The following TXNRD1 variants were observed in gnomAD, a reference collection of about 807,000 sequenced individuals.
The protein encoded by TXNRD1 is thioredoxin reductase 1, cytoplasmic.
In TXNRD1, 57 loss-of-function variants were observed where a neutral mutation model predicts 80.3. That is an observed-to-expected ratio of 0.71 (90% CI 0.57 to 0.89). TXNRD1 has a LOEUF of 0.89. TXNRD1 is among the 40% of genes least tolerant of loss of function. TXNRD1 has a pLI of 0.00. For synonymous variants in TXNRD1, 291 were observed against 285.2 expected (o/e 1.02, Z -0.20); for missense variants, 730 against 803.0 (o/e 0.91, Z 1.10).
chr12:104,233,066 G>A (rs1052542820), intron 1 of TXNRD1, among the ~76,000 whole-genome samples: 6 of 152,224 alleles, frequency 3.9e-5, no homozygotes. Context: ...AAATAAGGAA[G>A]AGATGTATGC....
intron 1 of TXNRD1, among the ~76,000 whole-genome samples, chr12:104,223,782 GT>G (rs1162265202): frequency 6.6e-6 from 1 of 152,212 alleles, no homozygotes; most frequent in African/African-American, 2.4e-5. Flanking sequence ...GTGGGGACTG[GT>G]GAGGAGGGAG....
chr12:104,312,969 A>G (rs1451009497), intron 5 of TXNRD1, among the ~76,000 whole-genome samples: 1 of 151,958 alleles, frequency 6.6e-6, no homozygotes, highest in Admixed American at 6.6e-5. Context: ...GTTTGAGTGG[A>G]ATTATGTGAG....
chr12:104,341,500 A>T (rs1181235131), intron 16 of TXNRD1, among the ~76,000 whole-genome samples: 2 of 152,204 alleles, frequency 1.3e-5, no homozygotes, highest in Admixed American at 1.3e-4. Flanking sequence ...GGGTAGATAT[A>T]AAGTGCTGGA....
At chr12:104,270,091 G>A (rs972798980) in intron 3 of TXNRD1, among the ~76,000 whole-genome samples, 19 of 152,114 alleles carry the variant, frequency 1.2e-4, no homozygotes, top group African/African-American at 4.6e-4. Context: ...ATTCATCAAA[G>A]TTACTCATAA....
intron 10 of TXNRD1, among the ~76,000 whole-genome samples, chr12:104,324,566 GGTCTCGATCTCCT>G (rs1415182086): frequency 6.6e-6 from 1 of 151,606 alleles, no homozygotes; most frequent in African/African-American, 2.4e-5. Context: ...TGGTCAGGCT[GGTCTCGATCTCCT>G]GACCTCATGA....
intron 4 of TXNRD1, chr12:104,304,884 T>C (rs1400370049): frequency 9.3e-6 from 15 of 1,611,600 alleles, no homozygotes; most frequent in East Asian, 2.2e-5. Context: ...TGGAAAAACA[T>C]TGTGGCAGCT....
intron 3 of TXNRD1, among the ~76,000 whole-genome samples, chr12:104,261,396 C>G (rs2033366097): frequency 6.6e-6 from 1 of 152,188 alleles, no homozygotes; most frequent in Non-Finnish European, 1.5e-5. Flanking sequence ...CTCCTGACCT[C>G]AGGTGATCCA....
chr12:104,325,191 A>G lies in TXNRD1; in HGVS notation c.1216-146A>G, dbSNP rs1333823037. On this transcript the variant is annotated intron_variant, in intron 10 of 16. Coordinates refer to ENST00000525566, the MANE Select transcript of TXNRD1 (RefSeq NM_001093771.3). ...GAAATAATCATTTATCATCCTAATAATGTTAAGTGAGGGAGATGGGACATA... is the reference window on the plus strand; with the variant it reads ...GAAATAATCATTTATCATCCTAATAGTGTTAAGTGAGGGAGATGGGACATA... 1.7e-5 allele frequency: 11 copies of G among 632,646 alleles called. No homozygotes were observed. The East Asian group carries it at 3.1e-4, about 18-fold the overall frequency. 39.2% of individuals were successfully genotyped at this position (632,646 alleles called of 1,614,324 possible). A position where few individuals can be genotyped will look rare whatever the true frequency, so the allele number is the denominator to read the frequency against.
intron 16 of TXNRD1, among the ~76,000 whole-genome samples, chr12:104,344,328 A>G (rs1052052834): frequency 4.6e-5 from 7 of 151,498 alleles, no homozygotes; most frequent in Non-Finnish European, 1.0e-4. Flanking sequence ...GGTTGGAGAG[A>G]GATACATATT....
rs550714731 is a variant in TXNRD1 at position 104,331,422 on chromosome 12, T to C, written c.1543-112T>C. On this transcript the variant is annotated intron_variant, in intron 13 of 16. Transcript: ENST00000525566. ...TCTCGGATTGAGACTTCACATACTT[T>C]GGTAGAAATTTATTACTCTTATATC... 1.5e-5 allele frequency: 9 copies of C among 586,192 alleles called. No homozygotes were observed. The East Asian group carries it at 2.3e-4, about 15-fold the overall frequency. 36.3% of individuals were successfully genotyped at this position (586,192 alleles called of 1,614,324 possible).
intron 3 of TXNRD1, among the ~76,000 whole-genome samples, chr12:104,267,653 C>CCTTCTT (rs1565870015): frequency 3.7e-5 from 1 of 27,336 alleles, no homozygotes; most frequent in Non-Finnish European, 7.7e-5. Context: ...TGGTATCTTT[C>CCTTCTT]TTTCTTTCTT....
rs1465748410 is a variant in TXNRD1, at chr12:104,308,020, G to A, written c.415-3270G>A. On this transcript the variant is annotated intron_variant, in intron 4 of 16. Coordinates refer to ENST00000525566, the MANE Select transcript of TXNRD1 (RefSeq NM_001093771.3). ...CTTTCTTTTTTTTTTTTTTGAGATGGAGTCTCACTCTGTAGCCCAGGCTGG... is the reference window on the plus strand; with the variant it reads ...CTTTCTTTTTTTTTTTTTTGAGATGAAGTCTCACTCTGTAGCCCAGGCTGG... 4.0e-5 allele frequency among the ~76,000 whole-genome samples: 6 copies of A among 150,224 alleles called. No homozygotes were observed. In the South Asian group the frequency reaches 1.0e-3, roughly 26 times the overall value.
intron 3 of TXNRD1, among the ~76,000 whole-genome samples, chr12:104,271,465 C>T (rs28534514): frequency 0.23 from 34,749 of 151,998 alleles, 4,247 homozygotes; most frequent in Middle Eastern, 0.38. Context: ...GCATGAGCCA[C>T]CACACCTGGC....
chr12:104,287,099 C>T (rs1367162824), intron 3 of TXNRD1: 2 of 1,450,906 alleles, frequency 1.4e-6, no homozygotes, highest in African/African-American at 1.4e-5. Context: ...CTTCATCATT[C>T]TCAAATTCTT....
intron 1 of TXNRD1, among the ~76,000 whole-genome samples, chr12:104,231,397 C>T (rs2032618893): frequency 6.6e-6 from 1 of 152,132 alleles, no homozygotes; most frequent in Admixed American, 6.6e-5. Context: ...AGTTGGATTG[C>T]TTCTAGGCGA....
intron 4 of TXNRD1, 67 bp from the exon 5 acceptor site, chr12:104,311,223 T>C (rs1351949271): frequency 8.8e-6 from 13 of 1,477,576 alleles, no homozygotes; most frequent in Non-Finnish European, 1.2e-5. Context: ...AAAGATTTTC[T>C]TACAAAGCTT....
chr12:104,312,236 A>G (rs891408194), intron 5 of TXNRD1, among the ~76,000 whole-genome samples: 3 of 152,172 alleles, frequency 2.0e-5, no homozygotes, highest in African/African-American at 7.2e-5. Flanking sequence ...GAGGTTATCT[A>G]ATAACCACTA....
intron 1 of TXNRD1, among the ~76,000 whole-genome samples, chr12:104,230,934 C>T (rs754903683): frequency 6.6e-6 from 1 of 152,100 alleles, no homozygotes; most frequent in Non-Finnish European, 1.5e-5. Context: ...GTTTTACACA[C>T]GTGAGGATGT....
intron 15 of TXNRD1, among the ~76,000 whole-genome samples, chr12:104,334,631 A>C (rs575810006): frequency 7.9e-5 from 12 of 152,238 alleles, no homozygotes; most frequent in African/African-American, 2.6e-4. Flanking sequence ...CGGCCTCCCA[A>C]GGTGCTGGAA....
Sources: allele counts gnomAD v4.1 joint callset (sites outside exome capture counted in the v4.1 genomes callset), GRCh38; gene constraint gnomAD v4.1.1; transcripts MANE v1.5; gene names NCBI Gene and HGNC (gene_info 2026-07-23, HGNC 2026-07-21).